NCK1: variants seen among roughly 807,000 people sequenced by gnomAD.
NCK1 encodes SH2/SH3 adapter protein NCK1.
NCK1 carries 19 observed loss-of-function variants against 36.6 expected under a neutral mutation model. The ratio of observed to expected loss-of-function variants is 0.52; its 90% CI spans 0.36 to 0.76. The LOEUF is 0.76. Ranked by LOEUF, NCK1 falls within the 30% of genes least tolerant of loss-of-function variation. The pLI is 0.00. For synonymous variants in NCK1, 165 were observed against 156.0 expected, an observed-to-expected ratio of 1.06 and a Z score of -0.43; for missense variants, 358 against 445.6, an observed-to-expected ratio of 0.80 and a Z score of 1.77.
intron 3 of NCK1, 55 bp downstream of exon 3, chr3:136,946,350 A>G: frequency 6.9e-7 from 1 of 1,450,460 alleles, no homozygotes; most frequent in Admixed American, 2.0e-5. Context: ...TTTAAAAAAA[A>G]GAGAGAGAGA....
chr3:136,946,722 T>C (rs1940837978), intron 3 of NCK1, among the ~76,000 whole-genome samples: 1 of 152,190 alleles, frequency 6.6e-6, no homozygotes, highest in African/African-American at 2.4e-5. Flanking sequence ...AGGAAATCCC[T>C]GAATTTAAAA....
At chr3:136,874,374 C>T (rs968664673) in intron 1 of NCK1, among the ~76,000 whole-genome samples, 2 of 152,174 alleles carry the variant, frequency 1.3e-5, no homozygotes, top group African/African-American at 2.4e-5. Context: ...TGGGGTTTCA[C>T]TATGTTGGCT....
At chr3:136,903,208 C>A (rs1939593305) in intron 1 of NCK1, among the ~76,000 whole-genome samples, 1 of 152,122 alleles carries the variant, frequency 6.6e-6, no homozygotes, top group South Asian at 2.1e-4. Context: ...TAATGACCTT[C>A]TTTGTCTCTT....
chr3:136,927,555 C>T (rs904982048), intron 1 of NCK1, among the ~76,000 whole-genome samples: 2 of 152,072 alleles, frequency 1.3e-5, no homozygotes, highest in East Asian at 1.9e-4. Flanking sequence ...CAGATTCTCC[C>T]TCTGTCGCCA....
chr3:136,876,467 T>C (rs1214138257), intron 1 of NCK1, among the ~76,000 whole-genome samples: 2 of 152,000 alleles, frequency 1.3e-5, no homozygotes, highest in African/African-American at 4.8e-5. Context: ...ATAAAGGGGA[T>C]ATCACCACCG....
chr3:136,912,162 CTTTTTTTTT>C (rs57596314), intron 1 of NCK1, among the ~76,000 whole-genome samples: 36,927 of 128,316 alleles, frequency 0.29, 5,968 homozygotes, highest in East Asian at 0.56. Flanking sequence ...ATTATTTTTT[CTTTTTTTTT>C]TTTTTTTTTG....
At chr3:136,892,165 GGT>G (rs1576957372) in intron 1 of NCK1, among the ~76,000 whole-genome samples, 2 of 152,264 alleles carry the variant, frequency 1.3e-5, no homozygotes, top group East Asian at 3.9e-4. Context: ...TGGGATTATA[GGT>G]GTGAGTCACC....
intron 1 of NCK1, among the ~76,000 whole-genome samples, chr3:136,869,009 A>T (rs1383059320): frequency 2.0e-5 from 3 of 149,436 alleles, no homozygotes; most frequent in Admixed American, 2.0e-4. Context: ...AGGCTGAGGC[A>T]TGCGGAGCCC....
chr3:136,951,270 G>A lies in NCK1; in HGVS notation c.*2817G>A, dbSNP rs1940964507. ...ACGTTTGTGAGAATTCTCTAGGCAG[G>A]CCCAGCCCTTCTCTAGAAGTTTGAA... On this transcript the variant is annotated 3_prime_UTR_variant, in exon 4 of 4. Coordinates refer to ENST00000481752, the MANE Select transcript of NCK1 (RefSeq NM_001291999.2). Among the ~76,000 whole-genome samples the A allele has an allele frequency of 6.6e-6, 1 of 152,148 alleles. No individual in the cohort carries two copies. The highest frequency in any genetic ancestry group is 1.5e-5 in the Non-Finnish European group (1 of 68,016).
chr3:136,902,397 G>C (rs1003107362), intron 1 of NCK1, among the ~76,000 whole-genome samples: 1 of 152,042 alleles, frequency 6.6e-6, no homozygotes, highest in African/African-American at 2.4e-5. Context: ...GTTTCAGCAT[G>C]CTGCCCAGGC....
chr3:136,885,852 A>AT (rs1445393350), intron 1 of NCK1, among the ~76,000 whole-genome samples: 2 of 152,154 alleles, frequency 1.3e-5, no homozygotes, highest in African/African-American at 4.8e-5. Context: ...TTCATAAGAG[A>AT]TATGTTCTTT....
At chr3:136,936,907 C>T (rs1020227095) in intron 2 of NCK1, among the ~76,000 whole-genome samples, 7 of 152,120 alleles carry the variant, frequency 4.6e-5, no homozygotes, top group African/African-American at 1.7e-4. Flanking sequence ...CAAATATTCT[C>T]TTCTAATTCT....
chr3:136,904,497 A>G (rs1019100184), intron 1 of NCK1, among the ~76,000 whole-genome samples: 5 of 152,188 alleles, frequency 3.3e-5, no homozygotes, highest in African/African-American at 9.6e-5. Flanking sequence ...CTACTGGCCT[A>G]TAAGGTTTCT....
chr3:136,931,067 ATATTTT>A (rs1438036544), intron 2 of NCK1, among the ~76,000 whole-genome samples: 2 of 152,092 alleles, frequency 1.3e-5, no homozygotes, highest in Non-Finnish European at 2.9e-5. Flanking sequence ...AGTAAAGAGA[ATATTTT>A]TATTTAATTA....
intron 1 of NCK1, among the ~76,000 whole-genome samples, chr3:136,894,210 AG>A (rs1361691519): frequency 1.3e-5 from 2 of 152,300 alleles, no homozygotes; most frequent in East Asian, 3.9e-4. Flanking sequence ...CTACTGTGGA[AG>A]CATTACCCTC....
chr3:136,926,099 G>T (rs764043462), intron 1 of NCK1, among the ~76,000 whole-genome samples: 3 of 151,922 alleles, frequency 2.0e-5, no homozygotes, highest in Non-Finnish European at 2.9e-5. Flanking sequence ...CTTTTCATCT[G>T]CTTATTTGCC....
intron 3 of NCK1, among the ~76,000 whole-genome samples, chr3:136,947,250 G>C (rs1452890329): frequency 6.6e-6 from 1 of 152,066 alleles, no homozygotes; most frequent in Admixed American, 6.6e-5. Flanking sequence ...TCTGTTAGTT[G>C]CCTGATCTGG....
chr3:136,925,026 A>G (rs1477864934), intron 1 of NCK1, among the ~76,000 whole-genome samples: 2 of 152,224 alleles, frequency 1.3e-5, no homozygotes, highest in South Asian at 4.1e-4. Flanking sequence ...ACAAGGCATA[A>G]TATTGATAAA....
intron 1 of NCK1, among the ~76,000 whole-genome samples, chr3:136,902,187 T>TG (rs1939558772): frequency 8.2e-5 from 7 of 84,862 alleles, no homozygotes; most frequent in South Asian, 9.5e-4. Flanking sequence ...ACTCTTTGTT[T>TG]TTTTTTTTTT....
Sources: allele counts gnomAD v4.1 joint callset (sites outside exome capture counted in the v4.1 genomes callset), GRCh38; gene constraint gnomAD v4.1.1; transcripts MANE v1.5; gene names NCBI Gene and HGNC (gene_info 2026-07-23, HGNC 2026-07-21).